C8orf34: variants seen among roughly 807,000 people sequenced by gnomAD.
The protein encoded by C8orf34 is uncharacterized protein C8orf34.
In C8orf34, 65 loss-of-function variants were observed where a neutral mutation model predicts 68.3. The observed-to-expected ratio is 0.95, with a 90% CI of 0.78 to 1.17. C8orf34 has a LOEUF of 1.17. Among genes scored for constraint, C8orf34 ranks in the 50% most tolerant of loss-of-function variants. The pLI is 0.00. For synonymous variants in C8orf34, 244 were observed against 241.2 expected (o/e 1.01, Z -0.11); for missense variants, 664 against 655.4 (o/e 1.01, Z -0.14).
At chr8:68,625,635 T>G in intron 7 of C8orf34, 1 of 701,822 alleles carries the variant, frequency 1.4e-6, no homozygotes, top group Non-Finnish European at 2.6e-6. Context: ...GCATGTGGCT[T>G]GCATCTCAGC....
chr8:68,359,051 T>C (rs1025598570), intron 1 of C8orf34, among the ~76,000 whole-genome samples: 2 of 152,190 alleles, frequency 1.3e-5, no homozygotes, highest in African/African-American at 4.8e-5. Flanking sequence ...TTGCTATTCA[T>C]TCTTATTTCT....
intron 10 of C8orf34, among the ~76,000 whole-genome samples, chr8:68,730,200 A>G (rs572886040): frequency 7.0e-4 from 107 of 152,302 alleles, no homozygotes; most frequent in African/African-American, 2.6e-3. Context: ...GTAATAAATT[A>G]TGATGAATTT....
At chr8:68,659,488 C>T (rs770937281) in intron 8 of C8orf34, among the ~76,000 whole-genome samples, 2 of 152,080 alleles carry the variant, frequency 1.3e-5, no homozygotes, top group East Asian at 3.9e-4. Context: ...ATAGTTATGT[C>T]TTTTAAAGTA....
chr8:68,730,307 C>A (rs1438306128), intron 10 of C8orf34, among the ~76,000 whole-genome samples: 1 of 152,006 alleles, frequency 6.6e-6, no homozygotes, highest in African/African-American at 2.4e-5. Context: ...TTTGCTCAGT[C>A]CTAAAGGTTT....
intron 1 of C8orf34, among the ~76,000 whole-genome samples, chr8:68,360,881 T>C (rs548249725): frequency 2.2e-4 from 33 of 151,346 alleles, no homozygotes; most frequent in African/African-American, 7.5e-4. Flanking sequence ...GCCTCCCGAG[T>C]AGCTGGCATT....
chr8:68,610,935 G>T (rs1818004265), intron 7 of C8orf34, among the ~76,000 whole-genome samples: 1 of 143,748 alleles, frequency 7.0e-6, no homozygotes, highest in Admixed American at 7.4e-5. Flanking sequence ...TGCTATCTCA[G>T]CTCACTGCAA....
intron 1 of C8orf34, among the ~76,000 whole-genome samples, chr8:68,393,139 G>A (rs1034537914): frequency 1.3e-5 from 2 of 152,124 alleles, no homozygotes; most frequent in African/African-American, 4.8e-5. Context: ...GAATTCAGGT[G>A]TAAGCAGGAT....
chr8:68,766,890 A>G (rs1179734454), intron 10 of C8orf34, among the ~76,000 whole-genome samples: 2 of 152,198 alleles, frequency 1.3e-5, no homozygotes, highest in Admixed American at 6.5e-5. Flanking sequence ...ATGCCAAGAA[A>G]TGGTATTTTG....
At chr8:68,404,784 G>T (rs1309589149) in intron 1 of C8orf34, among the ~76,000 whole-genome samples, 2 of 152,096 alleles carry the variant, frequency 1.3e-5, no homozygotes, top group Non-Finnish European at 2.9e-5. Flanking sequence ...TAGGCTTGTA[G>T]TATAGTTTGA....
chr8:68,710,781 G>T (rs1821309867), intron 9 of C8orf34, among the ~76,000 whole-genome samples: 2 of 152,096 alleles, frequency 1.3e-5, no homozygotes, highest in African/African-American at 4.8e-5. Flanking sequence ...ACTTAACCAG[G>T]TGTTCCTAGG....
At chr8:68,457,149 T>C (rs949492388) in intron 3 of C8orf34, among the ~76,000 whole-genome samples, 4 of 123,182 alleles carry the variant, frequency 3.2e-5, no homozygotes, top group Admixed American at 2.4e-4. Context: ...TCTCAGGGTA[T>C]TTTTTTAAAT....
intron 12 of C8orf34, among the ~76,000 whole-genome samples, chr8:68,810,117 G>A (rs1042833899): frequency 2.6e-5 from 4 of 152,312 alleles, no homozygotes; most frequent in Admixed American, 1.3e-4. Context: ...GAGCCTGCTG[G>A]TCTCATCCTG....
At chr8:68,413,395 T>C (rs998059204) in intron 1 of C8orf34, among the ~76,000 whole-genome samples, 1 of 152,226 alleles carries the variant, frequency 6.6e-6, no homozygotes, top group East Asian at 1.9e-4. Context: ...TTGAGTTATA[T>C]AATGTGAGTG....
intron 1 of C8orf34, among the ~76,000 whole-genome samples, chr8:68,362,025 T>C (rs1259617718): frequency 1.3e-5 from 2 of 152,262 alleles, no homozygotes; most frequent in Non-Finnish European, 2.9e-5. Context: ...GGATTTTTTA[T>C]TTGTAACGTA....
intron 4 of C8orf34, among the ~76,000 whole-genome samples, chr8:68,482,682 T>C (rs1563476318): frequency 1.3e-5 from 2 of 152,184 alleles, no homozygotes; most frequent in South Asian, 4.1e-4. Context: ...TTATACTCAG[T>C]GGCATGCCAG....
intron 7 of C8orf34, among the ~76,000 whole-genome samples, chr8:68,593,614 G>T (rs898534823): frequency 6.6e-6 from 1 of 151,648 alleles, no homozygotes; most frequent in African/African-American, 2.4e-5. Context: ...AAATCCTCTG[G>T]TATTTTTATA....
At chr8:68,790,953 T>C (rs1440660966) in intron 12 of C8orf34, 4 of 646,944 alleles carry the variant, frequency 6.2e-6, no homozygotes, top group Non-Finnish European at 1.1e-5. Flanking sequence ...CTGAATCAGC[T>C]TCATAGTATT....
At chr8:68,699,839 A>C (rs952701835) in intron 8 of C8orf34, among the ~76,000 whole-genome samples, 5 of 152,088 alleles carry the variant, frequency 3.3e-5, no homozygotes, top group African/African-American at 1.2e-4. Flanking sequence ...AGGAACTATA[A>C]ATTTGATTAG....
At chr8:68,534,082 A>G in intron 7 of C8orf34, 1 of 983,980 alleles carries the variant, frequency 1.0e-6, no homozygotes, top group Non-Finnish European at 1.2e-6. Context: ...CCTTGGTTTT[A>G]AGTGTTTATG....
Sources: allele counts gnomAD v4.1 joint callset (sites outside exome capture counted in the v4.1 genomes callset), GRCh38; gene constraint gnomAD v4.1.1; transcripts MANE v1.5; gene names NCBI Gene and HGNC (gene_info 2026-07-23, HGNC 2026-07-21).